Variants in ANGPT2 observed in about 807,000 individuals in gnomAD.
The protein encoded by ANGPT2 is angiopoietin-2.
Under a neutral mutation model 62.9 loss-of-function variants are expected in ANGPT2, and 28 were observed. The ratio of observed to expected loss-of-function variants is 0.44; its 90% CI spans 0.33 to 0.61. ANGPT2 has a LOEUF of 0.61. Ranked by LOEUF, ANGPT2 falls within the 20% of genes least tolerant of loss-of-function variation. The pLI is 0.03. For synonymous variants in ANGPT2, 284 were observed against 207.8 expected, an observed-to-expected ratio of 1.37 and a Z score of -3.15; for missense variants, 727 against 594.9, an observed-to-expected ratio of 1.22 and a Z score of -2.31.
chr8:6,504,783 G>C lies in ANGPT2; in HGVS notation c.1328-1522C>G, dbSNP rs868103640. On this transcript the variant is annotated intron_variant, in intron 8 of 8. Transcript: ENST00000629816. Reference sequence around the variant, plus strand: ...GTTTTATTATTGTTAAGTCTCTTGTGACTAGTTTACAAACTAAACTTTGTA... The same window carrying C: ...GTTTTATTATTGTTAAGTCTCTTGTCACTAGTTTACAAACTAAACTTTGTA... 2.6e-5 allele frequency among the ~76,000 whole-genome samples: 4 copies of C among 152,242 alleles called. No homozygotes were observed. The South Asian group carries it at 8.3e-4, about 32-fold the overall frequency.
chr8:6,556,909 C>G (rs1163961943), intron 1 of ANGPT2, among the ~76,000 whole-genome samples: 2 of 152,174 alleles, frequency 1.3e-5, no homozygotes, highest in Non-Finnish European at 2.9e-5. Flanking sequence ...TCTTCCCCCT[C>G]TGACTTCTTC....
chr8:6,519,804 C>A (rs952443080), intron 5 of ANGPT2, 60 bp downstream of exon 5: 1 of 1,582,172 alleles, frequency 6.3e-7, no homozygotes, highest in Non-Finnish European at 8.6e-7. Flanking sequence ...TCTGGTTCCT[C>A]ACTCACTAAA....
At chr8:6,533,419 C>G (rs745438290) in intron 1 of ANGPT2, among the ~76,000 whole-genome samples, 1 of 152,110 alleles carries the variant, frequency 6.6e-6, no homozygotes, top group African/African-American at 2.4e-5. Flanking sequence ...AGTCTTGGTT[C>G]TAGGAAAGTT....
chr8:6,513,664 A>G lies in ANGPT2; in HGVS notation c.1196+14T>C, dbSNP rs770846591. Reference sequence around the variant, plus strand: ...CTTTTAATTTTTTCTTTCAATTACCATGAACTCACTTACCTATAATTGAGT... The same window carrying G: ...CTTTTAATTTTTTCTTTCAATTACCGTGAACTCACTTACCTATAATTGAGT... On this transcript the variant is annotated intron_variant, in intron 7 of 8. Transcript: ENST00000629816. 1.3e-5 allele frequency: 21 copies of G among 1,599,322 alleles called. No homozygotes were observed. The South Asian group carries it at 2.2e-4, about 16-fold the overall frequency.
chr8:6,543,924 CAG>C lies in ANGPT2; in HGVS notation c.289-11439_289-11438del, dbSNP rs141991250. ...CTTTTTATAACTCACATTAGAAACA[CAG>C]ATTATTTAACGGGGCTATGTTTTGC... On this transcript the variant is annotated intron_variant, in intron 1 of 8. Coordinates refer to ENST00000629816, the MANE Select transcript of ANGPT2 (RefSeq NM_001118887.2). Among the ~76,000 whole-genome samples the C allele has an allele frequency of 9.0e-3, 1,368 of 152,284 alleles. 29 individuals carry two copies. The highest frequency in any genetic ancestry group is 0.032 in the African/African-American group (1,324 of 41,552).
intron 1 of ANGPT2, among the ~76,000 whole-genome samples, chr8:6,555,206 A>G (rs1342498400): frequency 6.6e-6 from 1 of 152,048 alleles, no homozygotes; most frequent in Non-Finnish European, 1.5e-5. Flanking sequence ...ATTTTTGGTG[A>G]TCCAGTCTGT....
At chr8:6,528,922 A>T (rs1818910148) in intron 2 of ANGPT2, among the ~76,000 whole-genome samples, 1 of 152,162 alleles carries the variant, frequency 6.6e-6, no homozygotes, top group Non-Finnish European at 1.5e-5. Context: ...TGGCCAACGT[A>T]AGGTTTTGTT....
At chr8:6,534,318 G>A (rs1045432634) in intron 1 of ANGPT2, among the ~76,000 whole-genome samples, 2 of 152,156 alleles carry the variant, frequency 1.3e-5, no homozygotes, top group African/African-American at 2.4e-5. Context: ...ACCTCGAGAT[G>A]ATTTAGAGTA....
At chr8:6,516,273 T>G (rs1816246926) in intron 5 of ANGPT2, among the ~76,000 whole-genome samples, 1 of 152,242 alleles carries the variant, frequency 6.6e-6, no homozygotes, top group Non-Finnish European at 1.5e-5. Flanking sequence ...CCAAGTACTC[T>G]GCCAGATACT....
At chr8:6,533,540 C>A (rs1280364334) in intron 1 of ANGPT2, among the ~76,000 whole-genome samples, 1 of 141,922 alleles carries the variant, frequency 7.0e-6, no homozygotes, top group South Asian at 2.3e-4. Flanking sequence ...ATTGTGTATG[C>A]GTAACTCCAG....
chr8:6,511,749 C>A (rs865782260), intron 7 of ANGPT2, among the ~76,000 whole-genome samples: 1 of 152,070 alleles, frequency 6.6e-6, no homozygotes, highest in African/African-American at 2.4e-5. Context: ...TCTAAATGGC[C>A]TATCCAAAAA....
chr8:6,532,521 G>T, intron 1 of ANGPT2, 34 bp from the exon 2 acceptor site: 1 of 1,516,390 alleles, frequency 6.6e-7, no homozygotes, highest in Non-Finnish European at 8.9e-7. Context: ...GCAGTCATTA[G>T]TCAAATGACC....
intron 3 of ANGPT2, among the ~76,000 whole-genome samples, chr8:6,521,873 A>G (rs566354288): frequency 8.5e-5 from 13 of 152,332 alleles, no homozygotes; most frequent in Non-Finnish European, 1.2e-4. Context: ...TAATAATAGC[A>G]CTTAATGCTA....
chr8:6,555,135 C>A (rs1824364165), intron 1 of ANGPT2, among the ~76,000 whole-genome samples: 1 of 152,034 alleles, frequency 6.6e-6, no homozygotes, highest in Non-Finnish European at 1.5e-5. Context: ...TTATTTACAT[C>A]AAATCATTCA....
intron 1 of ANGPT2, among the ~76,000 whole-genome samples, 194 bp from the exon 2 acceptor site, chr8:6,532,681 T>C (rs1249019648): frequency 1.3e-5 from 2 of 152,206 alleles, no homozygotes; most frequent in African/African-American, 2.4e-5. Context: ...TTTATTTTTA[T>C]GCAAAATCTG....
At chr8:6,515,472 G>T (rs1184865673) in intron 5 of ANGPT2, among the ~76,000 whole-genome samples, 1 of 152,192 alleles carries the variant, frequency 6.6e-6, no homozygotes, top group African/African-American at 2.4e-5. Flanking sequence ...ACTGCCCACA[G>T]TTTTTCTCTA....
chr8:6,558,706 T>C (rs1825039504), intron 1 of ANGPT2, among the ~76,000 whole-genome samples: 1 of 152,204 alleles, frequency 6.6e-6, no homozygotes, highest in East Asian at 1.9e-4. Context: ...TTCTAAACTC[T>C]GCAAGCAAAC....
intron 1 of ANGPT2, among the ~76,000 whole-genome samples, chr8:6,558,876 G>A (rs574974316): frequency 2.6e-5 from 4 of 151,394 alleles, no homozygotes; most frequent in African/African-American, 7.3e-5. Flanking sequence ...TACTGTATAG[G>A]CACATATCAT....
intron 1 of ANGPT2, among the ~76,000 whole-genome samples, chr8:6,537,254 G>T (rs111848150): frequency 1.6e-4 from 24 of 152,108 alleles, no homozygotes; most frequent in Non-Finnish European, 3.2e-4. Context: ...AGGCACACGT[G>T]TCTGAATAGG....
Sources: allele counts gnomAD v4.1 joint callset (sites outside exome capture counted in the v4.1 genomes callset), GRCh38; gene constraint gnomAD v4.1.1; transcripts MANE v1.5; gene names NCBI Gene and HGNC (gene_info 2026-07-23, HGNC 2026-07-21).